TJP3: variants seen among roughly 807,000 people sequenced by gnomAD.
The protein encoded by TJP3 is tight junction protein ZO-3.
TJP3 carries 85 observed loss-of-function variants against 104.2 expected under a neutral mutation model. The observed-to-expected ratio is 0.82, with a 90% CI of 0.68 to 0.98. The LOEUF is 0.98. Among genes scored for constraint, TJP3 ranks in the 50% least tolerant of loss-of-function variants. The probability of loss-of-function intolerance (pLI) is 0.00; values close to 1 mark genes in which losing one functional copy is unlikely to be tolerated. For missense variants in TJP3, 1,367 were observed against 1,322.8 expected, an observed-to-expected ratio of 1.03 and a Z score of -0.52; for synonymous variants, 550 against 550.6, an observed-to-expected ratio of 1.00 and a Z score of 0.02.
intron 1 of TJP3, among the ~76,000 whole-genome samples, chr19:3,710,413 G>C (rs1013999066): frequency 1.3e-5 from 2 of 152,204 alleles, no homozygotes; most frequent in South Asian, 4.1e-4. Flanking sequence ...GCAGAGGACA[G>C]GGAGCTGGTG....
intron 19 of TJP3, among the ~76,000 whole-genome samples, chr19:3,748,637 C>T (rs1323052728): frequency 1.5e-5 from 2 of 131,740 alleles, no homozygotes; most frequent in African/African-American, 5.9e-5. Flanking sequence ...GGCGTGATCT[C>T]GGCTCACCAC....
intron 6 of TJP3, among the ~76,000 whole-genome samples, chr19:3,732,514 C>CT (rs530864745): frequency 0.17 from 24,277 of 144,982 alleles, 2,273 homozygotes; most frequent in Admixed American, 0.26. Context: ...TTATCTGTTT[C>CT]TTTTTTTTTT....
rs2036920491 is a variant in TJP3 at position 3,747,806 on chromosome 19, T to G, written c.2335T>G (p.Leu779Val). ...WTAEDQLDGS[L>V]EDNLDLPHHG... ...ACCCACCCCACAGCTGGATGGCTCC[T>G]TGGAGGACAACCTAGACCTCCCTCA... The change falls in exon 19 of 21, where the codon TTG becomes GTG. Residue 779 changes from leucine to valine, a missense_variant. Physicochemically the swap from Leu to Val is conservative, Grantham distance 32 (BLOSUM62 1). Coordinates refer to ENST00000541714, the MANE Select transcript of TJP3 (RefSeq NM_001267560.2). 1 of 1,596,182 alleles carries G rather than the reference T, an allele frequency of 6.3e-7. No homozygotes were observed. Among genetic ancestry groups the G allele is most frequent in the African/African-American group, 1.3e-5 (1 of 74,828 alleles).
chr19:3,740,218 G>A (rs556203551), intron 13 of TJP3, among the ~76,000 whole-genome samples: 3 of 151,972 alleles, frequency 2.0e-5, no homozygotes, highest in East Asian at 1.9e-4. Context: ...GCGACGGAGC[G>A]AGACTCTATC....
At chr19:3,743,815 G>T in intron 14 of TJP3, 124 bp from the exon 15 acceptor site, 1 of 818,806 alleles carries the variant, frequency 1.2e-6, no homozygotes, top group East Asian at 2.6e-5. Flanking sequence ...TATTTGGCTG[G>T]GTAGCTATGG....
At chr19:3,747,155 G>A (rs1007562723) in intron 18 of TJP3, among the ~76,000 whole-genome samples, 10 of 151,956 alleles carry the variant, frequency 6.6e-5, no homozygotes, top group Non-Finnish European at 1.5e-4. Context: ...CCGCCTCCCG[G>A]GTTCAAGTGA....
chr19:3,721,834 C>T (rs2036545011), intron 1 of TJP3: 11 of 1,072,944 alleles, frequency 1.0e-5, no homozygotes, highest in Non-Finnish European at 1.3e-5. Flanking sequence ...GGGTGGGGGC[C>T]GATTGACTGT....
intron 1 of TJP3, among the ~76,000 whole-genome samples, chr19:3,711,888 G>A (rs1334565445): frequency 1.3e-5 from 2 of 151,978 alleles, no homozygotes; most frequent in Non-Finnish European, 2.9e-5. Flanking sequence ...GTTTTGCTGT[G>A]TTGGCCGGCC....
rs368884643 is a variant in TJP3 at position 3,744,020 on chromosome 19, A to G, written c.1925A>G (p.Gln642Arg). ...AAGTTGACTGCTGAGATGCCTGACCAGTTTGAAATCGCAGGTGAGAAGCCA... is the reference window on the plus strand; with the variant it reads ...AAGTTGACTGCTGAGATGCCTGACCGGTTTGAAATCGCAGGTGAGAAGCCA... The part of the protein sequence containing the change: ...MQKLTAEMPD[Q>R]FEIAETVSRT... Residue 642 changes from glutamine to arginine, a missense_variant, in exon 15 of 21, where the codon CAG becomes CGG. Coordinates refer to ENST00000541714, the MANE Select transcript of TJP3 (RefSeq NM_001267560.2). The G allele has an allele frequency of 3.1e-5, 50 of 1,613,914 alleles. No individual in the cohort carries two copies. Among genetic ancestry groups the G allele is most frequent in the Non-Finnish European group, 4.0e-5 (47 of 1,179,974 alleles).
At chr19:3,719,605 G>A (rs1442628264) in intron 1 of TJP3, among the ~76,000 whole-genome samples, 3 of 150,902 alleles carry the variant, frequency 2.0e-5, no homozygotes, top group Admixed American at 2.0e-4. Context: ...GCGTGGTGGC[G>A]GGTGCCTGTA....
intron 8 of TJP3, 129 bp from the exon 9 acceptor site, chr19:3,735,436 TG>T: frequency 2.4e-6 from 2 of 839,010 alleles, no homozygotes; most frequent in Non-Finnish European, 4.0e-6. Context: ...TGACCTCAGG[TG>T]ATCTGCCCAC....
chr19:3,750,311 G>C, intron 20 of TJP3, 127 bp downstream of exon 20: 2 of 1,319,622 alleles, frequency 1.5e-6, no homozygotes, highest in Non-Finnish European at 2.1e-6. Context: ...GACAGAGCCT[G>C]CCAGAGCCTC....
chr19:3,735,737 G>A (rs1423357288), intron 9 of TJP3, 98 bp downstream of exon 9: 18 of 1,588,454 alleles, frequency 1.1e-5, no homozygotes, highest in Non-Finnish European at 1.6e-5. Flanking sequence ...CTGAGCCTAA[G>A]TGGTGAGACA....
chr19:3,709,708 G>C (rs2145658479), intron 1 of TJP3, among the ~76,000 whole-genome samples: 1 of 152,278 alleles, frequency 6.6e-6, no homozygotes, highest in East Asian at 1.9e-4. Flanking sequence ...CTCCCAGGGA[G>C]CAGGCTTGCT....
chr19:3,731,236 A>G (rs996857134), intron 5 of TJP3, among the ~76,000 whole-genome samples: 5 of 152,134 alleles, frequency 3.3e-5, no homozygotes, highest in Non-Finnish European at 7.4e-5. Flanking sequence ...AGGCCACCTC[A>G]CTTAGCAAGA....
chr19:3,716,795 A>ATTTT (rs1199754819), intron 1 of TJP3, among the ~76,000 whole-genome samples: 6 of 66,790 alleles, frequency 9.0e-5, no homozygotes, highest in African/African-American at 3.0e-4. Flanking sequence ...ATATATATAT[A>ATTTT]TATATATTTT....
intron 20 of TJP3, 31 bp from the exon 21 acceptor site, chr19:3,750,551 C>T: frequency 6.5e-7 from 1 of 1,547,256 alleles, no homozygotes. Context: ...CCTTCCCACC[C>T]ACAGCATCTA....
rs184475537 is a variant in TJP3 at position 3,748,651 on chromosome 19, C to T, written c.2610+570C>T. 1.4e-3 allele frequency among the ~76,000 whole-genome samples: 210 copies of T among 150,152 alleles called. 1 individual carries two copies. In the East Asian group the frequency reaches 0.027, roughly 19 times the overall value. On this transcript the variant is annotated intron_variant, in intron 19 of 20. Transcript: ENST00000541714. The stretch of plus-strand genomic sequence containing the variant: ...TGGCGTGATCTCGGCTCACCACAAC[C>T]TCCGCCTCCCAGGTTCAAACGATTC...
rs756618169 is a variant in TJP3 at position 3,738,931 on chromosome 19, C to T, written c.1428C>T (p.Asp476=). 1 of 1,610,928 alleles carries T rather than the reference C, an allele frequency of 6.2e-7. No individual in the cohort carries two copies. The highest frequency in any genetic ancestry group is 1.1e-5 in the South Asian group (1 of 90,770). The change falls in exon 13 of 21, where the codon GAC becomes GAT. Residue 476 remains aspartate (D), a synonymous_variant. Coordinates refer to ENST00000541714, the MANE Select transcript of TJP3 (RefSeq NM_001267560.2). ...AAATGGTGCAGTCCCGCGTGGGTGA[C>T]TCCTTCTACATCCGCACTCACTTTG... ...FWKMVQSRVG[D]SFYIRTHFEL... is the part of the protein sequence containing the mutation.
Sources: allele counts gnomAD v4.1 joint callset (sites outside exome capture counted in the v4.1 genomes callset), GRCh38; gene constraint gnomAD v4.1.1; transcripts MANE v1.5; gene names NCBI Gene and HGNC (gene_info 2026-07-23, HGNC 2026-07-21).